PKM: variants seen among roughly 807,000 people sequenced by gnomAD.
PKM encodes pyruvate kinase PKM.
In PKM, 18 loss-of-function variants were observed where a neutral mutation model predicts 49.8. The observed-to-expected ratio is 0.36, with a 90% CI of 0.25 to 0.54. The LOEUF is 0.54. Among genes scored for constraint, PKM ranks in the 20% least tolerant of loss-of-function variants. The pLI is 0.89. For missense variants in PKM, 508 were observed against 713.8 expected, an observed-to-expected ratio of 0.71 and a Z score of 3.28; for synonymous variants, 239 against 261.8, an observed-to-expected ratio of 0.91 and a Z score of 0.84.
intron 3 of PKM, among the ~76,000 whole-genome samples, chr15:72,212,711 G>C (rs2082284772): frequency 6.6e-6 from 1 of 152,138 alleles, no homozygotes; most frequent in South Asian, 2.1e-4. Flanking sequence ...GTGGATAAGA[G>C]TTCCACACAT....
chr15:72,208,964 G>T lies in PKM; in HGVS notation c.566-73C>A, dbSNP rs1474127475. On this transcript the variant is annotated intron_variant, in intron 5 of 10. Transcript: ENST00000335181. ...TCAACAGGAAGCAGGCACCTTTCCC[G>T]CAAGGACAGTGAGCTGGGAAGTGGT... The T allele has an allele frequency of 2.0e-6, 3 of 1,493,206 alleles. No homozygotes were observed. In the East Asian group the frequency reaches 7.2e-5, roughly 36 times the overall value. 92.5% of individuals were successfully genotyped at this position (1,493,206 alleles called of 1,614,324 possible). A position where few individuals can be genotyped will look rare whatever the true frequency, so the allele number is the denominator to read the frequency against.
chr15:72,206,756 G>A lies in PKM; in HGVS notation c.1112C>T (p.Pro371Leu). 1 of 1,613,774 alleles carries A rather than the reference G, an allele frequency of 6.2e-7. No individual in the cohort carries two copies. The highest frequency in any genetic ancestry group is 8.5e-7 in the Non-Finnish European group (1 of 1,180,034). The change falls in exon 8 of 11, where the codon CCT becomes CTT. Residue 371 changes from proline (P) to leucine (L), a missense_variant. By Grantham distance (98) the Pro-to-Leu change is moderately conservative. Transcript: ENST00000335181. ...GTGCTGCATGCGCACAGCCTCCAGA[G>A]GATAGTCCCCTTTGGCTGTTTCTCC... Reference protein sequence around the residue: ...LSGETAKGDYPLEAVRMQHLI... With the variant: ...LSGETAKGDYLLEAVRMQHLI...
intron 1 of PKM, among the ~76,000 whole-genome samples, chr15:72,221,443 C>T (rs2082520385): frequency 6.6e-6 from 1 of 152,034 alleles, no homozygotes. Flanking sequence ...CTATTCTATA[C>T]AAGAACCTGG....
chr15:72,202,909 A>G lies in PKM; in HGVS notation c.1141-289T>C. On this transcript the variant is annotated intron_variant, in intron 8 of 10. Transcript: ENST00000335181. This position sits in a 1 kb window ranked among gnomAD's most constrained non-coding sequence, Gnocchi z 4.5. ...GACCTCCCTGGCGGTGTTCCTACAG[A>G]CGAGAAGAGGCTCTGTGCCCAGATG... The G allele has an allele frequency of 8.8e-7, 1 of 1,132,724 alleles. No individual in the cohort carries two copies. The highest frequency in any genetic ancestry group is 1.3e-6 in the Non-Finnish European group (1 of 755,370). 70.2% of individuals were successfully genotyped at this position (1,132,724 alleles called of 1,614,324 possible).
chr15:72,220,793 C>A (rs2082501236), intron 1 of PKM, among the ~76,000 whole-genome samples: 1 of 152,184 alleles, frequency 6.6e-6, no homozygotes, highest in African/African-American at 2.4e-5. Flanking sequence ...CTCTGCTCCC[C>A]CTTCCCTAAA....
intron 3 of PKM, among the ~76,000 whole-genome samples, chr15:72,213,438 GA>G (rs1198929575): frequency 6.6e-6 from 1 of 152,134 alleles, no homozygotes; most frequent in Non-Finnish European, 1.5e-5. Context: ...TAAGTGTTCT[GA>G]GGTGAACCAG....
rs368945885 is a variant in PKM, at chr15:72,205,622, T to C, written c.1140+1106A>G. Reference sequence around the variant, plus strand: ...AGATGCCCAGACCAGATGGGTGTTTTAGTTTTTTTTTTTTTTTTTTTTTTC... The same window carrying C: ...AGATGCCCAGACCAGATGGGTGTTTCAGTTTTTTTTTTTTTTTTTTTTTTC... On this transcript the variant is annotated intron_variant, in intron 8 of 10. Transcript: ENST00000335181. 1.1e-3 allele frequency among the ~76,000 whole-genome samples: 133 copies of C among 120,088 alleles called. 1 individual carries two copies. Among genetic ancestry groups the C allele is most frequent in the Middle Eastern group, 4.0e-3 (1 of 248 alleles). The allele number at this position is 120,088 out of a possible 152,430, so 78.8% of individuals were successfully genotyped here.
chr15:72,230,295 G>A (rs1329650044), intron 1 of PKM, among the ~76,000 whole-genome samples: 3 of 152,138 alleles, frequency 2.0e-5, no homozygotes, highest in South Asian at 2.1e-4. Flanking sequence ...AGCTGCCCCC[G>A]GGCCGCCGCA....
chr15:72,210,299 G>C, intron 4 of PKM, 48 bp downstream of exon 4: 1 of 1,600,938 alleles, frequency 6.2e-7, no homozygotes, highest in Non-Finnish European at 8.5e-7. Flanking sequence ...ATGTCTCTGG[G>C]GCATATTGCC....
At position 72,231,113 on chromosome 15, in the gene PKM, C is replaced by T. The variant is rs113082960; in HGVS notation, c.-14+3G>A. Reference sequence around the variant, plus strand: ...TGATGGCGTAGCCTCCTGCACCGCTCACCTCCGGCGCTGACCGACTCGGGC... The same window carrying T: ...TGATGGCGTAGCCTCCTGCACCGCTTACCTCCGGCGCTGACCGACTCGGGC... On this transcript the variant is annotated splice_donor_region_variant and intron_variant, in intron 1 of 10. Coordinates refer to ENST00000335181, the MANE Select transcript of PKM (RefSeq NM_002654.6). 4 of 378,406 alleles carry T rather than the reference C, an allele frequency of 1.1e-5. No homozygotes were observed. The highest frequency in any genetic ancestry group is 3.5e-5 in the Admixed American group (1 of 28,218). The allele number at this position is 378,406 out of a possible 1,614,324, so 23.4% of individuals were successfully genotyped here.
intron 6 of PKM, 109 bp from the exon 7 acceptor site, chr15:72,207,386 G>T: frequency 1.0e-6 from 1 of 966,148 alleles, no homozygotes; most frequent in Non-Finnish European, 1.7e-6. Flanking sequence ...CCTTGTACCA[G>T]GACAGACATC....
intron 1 of PKM, among the ~76,000 whole-genome samples, chr15:72,226,253 C>T (rs1019360656): frequency 6.6e-6 from 1 of 152,170 alleles, no homozygotes; most frequent in Non-Finnish European, 1.5e-5. Flanking sequence ...CATGGCCAGG[C>T]GCGGTGGCTG....
upstream of PKM, chr15:72,231,548 G>A (rs535960380): frequency 6.6e-6 from 1 of 152,644 alleles, no homozygotes; most frequent in East Asian, 1.9e-4. Context: ...TGCCAGATGG[G>A]GTGTCTTTTC....
At chr15:72,203,080 C>T (rs755807225) in intron 8 of PKM, 4 of 1,614,210 alleles carry the variant, frequency 2.5e-6, no homozygotes, top group Admixed American at 1.7e-5. Flanking sequence ...GAAGCCTCCA[C>T]GCTGCCCATG....
At position 72,199,452 on chromosome 15, in the gene PKM, G is replaced by A; in HGVS notation, c.*198C>T. On this transcript the variant is annotated 3_prime_UTR_variant, in exon 11 of 11. Transcript: ENST00000335181. ...ATTGGGTGGGGCCACATGATGGGCA[G>A]CCAGGCTCTGGGCTGTCCCACTAGA... The A allele has an allele frequency of 1.4e-6, 1 of 698,404 alleles. No homozygotes were observed. Among genetic ancestry groups the A allele is most frequent in the South Asian group, 1.5e-5 (1 of 66,722 alleles). The allele number at this position is 698,404 out of a possible 1,614,324, so 43.3% of individuals were successfully genotyped here.
rs1318512393 is a variant in PKM, at chr15:72,223,022, TC to T, written c.-13-3913del. 1.3e-4 allele frequency among the ~76,000 whole-genome samples: 20 copies of T among 149,326 alleles called. 1 individual carries two copies. Among genetic ancestry groups the T allele is most frequent in the Middle Eastern group, 3.4e-3 (1 of 294 alleles). ...ACTCCTCCCTCCAACTTTTTTTTTT[TC>T]TTTTTTTTTTTTTTCAGACAGGGTT... On this transcript the variant is annotated intron_variant, in intron 1 of 10. Transcript: ENST00000335181.
rs963002675 is a variant in PKM, at chr15:72,229,536, G to A, written c.-14+1580C>T. 34 of 1,284,428 alleles carry A rather than the reference G, an allele frequency of 2.6e-5. No homozygotes were observed. In the Admixed American group the frequency reaches 7.6e-4, roughly 29 times the overall value. The allele number at this position is 1,284,428 out of a possible 1,614,324, so 79.6% of individuals were successfully genotyped here. A position where few individuals can be genotyped will look rare whatever the true frequency, so the allele number is the denominator to read the frequency against. On this transcript the variant is annotated intron_variant, in intron 1 of 10. Coordinates refer to ENST00000335181, the MANE Select transcript of PKM (RefSeq NM_002654.6). ...GAGTACGTAGATTAAGAAGCCAAGG[G>A]ATGCCCTTACATGACTGAGTCTTTA...
chr15:72,212,327 T>C (rs991787082), intron 3 of PKM, among the ~76,000 whole-genome samples: 2 of 151,802 alleles, frequency 1.3e-5, no homozygotes, highest in Admixed American at 6.6e-5. Context: ...ATACAAAAAT[T>C]AGCTGGGCGT....
intron 1 of PKM, chr15:72,229,578 G>A: frequency 7.8e-7 from 1 of 1,287,794 alleles, no homozygotes; most frequent in Non-Finnish European, 1.0e-6. Flanking sequence ...CTTCAGACTG[G>A]AAGGTGCTTT....
Sources: gnomAD v4.1 joint callset for allele counts (sites outside exome capture counted in the v4.1 genomes callset) on GRCh38, gnomAD v4.1.1 for gene constraint, Gnocchi (gnomAD v3.1) non-coding constraint, MANE v1.5 for transcripts, NCBI Gene and HGNC (gene_info 2026-07-23, HGNC 2026-07-21) for gene names.